STRADA: variants seen among roughly 807,000 people sequenced by gnomAD.
STRADA encodes the protein STE20 related adaptor alpha.
A neutral mutation model predicts 55.0 loss-of-function variants in STRADA; 26 were observed. The observed-to-expected ratio is 0.47, with a 90% confidence interval of 0.35 to 0.66. The LOEUF is 0.66. STRADA is among the 30% of genes least tolerant of loss of function. The probability of loss-of-function intolerance (pLI) is 0.01; values close to 1 mark genes in which losing one functional copy is unlikely to be tolerated. For missense variants in STRADA, 443 were observed against 549.7 expected (o/e 0.81, Z 1.94); for synonymous variants, 197 against 210.9 (o/e 0.93, Z 0.57).
chr17:63,704,618 GGT>G (rs1491332366), intron 10 of STRADA, 36 bp from the exon 11 acceptor site: 18 of 1,294,122 alleles, frequency 1.4e-5, no homozygotes, highest in South Asian at 4.2e-5. Flanking sequence ...GGCTGTAGCG[GGT>G]GGGGGGGGGG....
chr17:63,710,137 C>T (rs1225658947), intron 8 of STRADA, among the ~76,000 whole-genome samples: 3 of 150,640 alleles, frequency 2.0e-5, no homozygotes, highest in Non-Finnish European at 2.9e-5. Context: ...CAGGTTCAAG[C>T]GATTCTCCTG....
rs1057153018 is a variant in STRADA at position 63,707,612 on chromosome 17, T to C, written c.582-194A>G. On this transcript the variant is annotated intron_variant, in intron 8 of 12. Transcript: ENST00000336174. ...GTCTCACTCTGTCACCCGGCTAGAG[T>C]GCAGTGGCTCAATCTAGGCTCACTG... The C allele has an allele frequency of 3.0e-5, 17 of 576,034 alleles. No individual in the cohort carries two copies. The African/African-American group carries it at 3.2e-4, about 11-fold the overall frequency. 35.7% of individuals were successfully genotyped at this position (576,034 alleles called of 1,614,324 possible).
At position 63,710,843 on chromosome 17, in the gene STRADA, GC is replaced by G; in HGVS notation, c.349-8del. The G allele has an allele frequency of 6.2e-7, 1 of 1,613,790 alleles. No homozygotes were observed. Among genetic ancestry groups the G allele is most frequent in the Non-Finnish European group, 8.5e-7 (1 of 1,179,744 alleles). On this transcript the variant is annotated splice_polypyrimidine_tract_variant and splice_region_variant and intron_variant, in intron 6 of 12. Coordinates refer to ENST00000336174, the MANE Select transcript of STRADA (RefSeq NM_001003787.4). ...TGGAGACATGCAGCTCGCCCTGGAA[GC>G]AATGATGAAGCTGAAGTCAGAACCA... is the stretch of plus-strand genomic sequence containing the variant.
At chr17:63,724,120 C>T (rs1480402650) in intron 3 of STRADA, 1 of 151,936 alleles carries the variant, frequency 6.6e-6, no homozygotes, top group Non-Finnish European at 1.5e-5. Flanking sequence ...AAGGAAAATG[C>T]TTTCTTCTTT....
In STRADA at chr17:63,713,883, T is replaced by C; in HGVS notation, c.226+123A>G. 4 of 802,248 alleles carry C rather than the reference T, an allele frequency of 5.0e-6. No homozygotes were observed. The South Asian group carries it at 6.2e-5, about 12-fold the overall frequency. 49.7% of individuals were successfully genotyped at this position (802,248 alleles called of 1,614,324 possible). On this transcript the variant is annotated intron_variant, in intron 5 of 12. Coordinates refer to ENST00000336174, the MANE Select transcript of STRADA (RefSeq NM_001003787.4). ...CAGAGAAGACCCACAGAAGCAAGTC[T>C]GTGCCCATGAATCCTCCTAACTAGT...
chr17:63,721,137 G>A (rs969481998), intron 4 of STRADA, among the ~76,000 whole-genome samples: 3 of 152,002 alleles, frequency 2.0e-5, no homozygotes, highest in African/African-American at 4.8e-5. Context: ...ACTTTGGAAG[G>A]CCGAGGCAGG....
intron 8 of STRADA, among the ~76,000 whole-genome samples, chr17:63,708,073 G>C (rs1364974635): frequency 1.3e-5 from 2 of 152,032 alleles, no homozygotes; most frequent in East Asian, 1.9e-4. Context: ...TAGAGATGGG[G>C]TTTTGCCATG....
chr17:63,730,641 C>T (rs2037974217), intron 1 of STRADA, among the ~76,000 whole-genome samples: 1 of 152,066 alleles, frequency 6.6e-6, no homozygotes, highest in African/African-American at 2.4e-5. Context: ...ACTGCAACCT[C>T]TGCCTCCCAG....
chr17:63,720,469 G>T (rs915050597), intron 4 of STRADA, among the ~76,000 whole-genome samples: 3 of 151,866 alleles, frequency 2.0e-5, no homozygotes, highest in Non-Finnish European at 2.9e-5. Context: ...ACCACACCTG[G>T]CCTTTAGAAA....
rs763523792 is a variant in STRADA, at chr17:63,740,143, T to TACACACAC, written c.-45+1597_-45+1598insGTGTGTGT. 9.4e-4 allele frequency among the ~76,000 whole-genome samples: 44 copies of TACACACAC among 46,594 alleles called. 1 individual carries two copies. Among genetic ancestry groups the TACACACAC allele is most frequent in the African/African-American group, 3.4e-3 (37 of 10,830 alleles). The allele number at this position is 46,594 out of a possible 152,430, so 30.6% of individuals were successfully genotyped here. ...ATATATATATACACATACATATATA[T>TACACACAC]ATATACACACACACACACACACACA... On this transcript the variant is annotated intron_variant, in intron 1 of 12. Coordinates refer to ENST00000336174, the MANE Select transcript of STRADA (RefSeq NM_001003787.4).
Position 63,723,409 on chromosome 17 carries a change from G to C in STRADA, c.95-83C>G. The C allele has an allele frequency of 2.0e-6, 3 of 1,533,004 alleles. No individual in the cohort carries two copies. The Admixed American group carries it at 5.1e-5, about 26-fold the overall frequency. 95.0% of individuals were successfully genotyped at this position (1,533,004 alleles called of 1,614,324 possible). ...TTCAGAACAGCAATTATTGTACTTA[G>C]GACTACATTTATTAATAGAAACCAC... On this transcript the variant is annotated intron_variant, in intron 3 of 12. Coordinates refer to ENST00000336174, the MANE Select transcript of STRADA (RefSeq NM_001003787.4).
chr17:63,714,130 A>G, intron 4 of STRADA, 22 bp from the exon 5 acceptor site: 1 of 1,535,464 alleles, frequency 6.5e-7, no homozygotes, highest in Non-Finnish European at 8.9e-7. Context: ...AAAGAAAAAT[A>G]GGTTAGTAGA....
intron 1 of STRADA, among the ~76,000 whole-genome samples, chr17:63,740,246 C>T (rs976213502): frequency 6.6e-6 from 1 of 150,920 alleles, no homozygotes; most frequent in Admixed American, 6.6e-5. Context: ...CGCGGTGGCT[C>T]ACGCCTGTAA....
intron 8 of STRADA, 71 bp from the exon 9 acceptor site, chr17:63,707,489 A>C: frequency 6.7e-7 from 1 of 1,484,964 alleles, no homozygotes; most frequent in South Asian, 1.2e-5. Flanking sequence ...GTCTTCACAC[A>C]CTCCACCTGG....
chr17:63,707,177 G>C (rs2143781829), intron 9 of STRADA, 70 bp downstream of exon 9: 7 of 1,588,010 alleles, frequency 4.4e-6, no homozygotes, highest in Non-Finnish European at 6.0e-6. Flanking sequence ...CCCGACTCCA[G>C]GCAATGCCTG....
intron 1 of STRADA, among the ~76,000 whole-genome samples, chr17:63,736,710 A>C (rs2144311303): frequency 1.3e-5 from 2 of 152,018 alleles, no homozygotes; most frequent in South Asian, 4.1e-4. Context: ...TCAAGAAAGG[A>C]ATCAGTCAAA....
chr17:63,703,959 T>TAGAACCAGAATTAGAACC (rs754754271), intron 12 of STRADA, 46 bp downstream of exon 12: 12 of 1,575,654 alleles, frequency 7.6e-6, no homozygotes, highest in Non-Finnish European at 1.0e-5. Context: ...TGTGAGTTGT[T>TAGAACCAGAATTAGAACC]AGAACCAGAA....
At chr17:63,727,554 G>A (rs1225597256) in intron 2 of STRADA, 1 of 152,152 alleles carries the variant, frequency 6.6e-6, no homozygotes, top group African/African-American at 2.4e-5. Flanking sequence ...GAAATAAGTT[G>A]CATGATACAG....
chr17:63,730,114 G>A (rs917838591), intron 1 of STRADA, among the ~76,000 whole-genome samples: 4 of 152,114 alleles, frequency 2.6e-5, no homozygotes, highest in Non-Finnish European at 4.4e-5. Context: ...GGGATTATAG[G>A]CATGAGCCAC....
Sources: gnomAD v4.1 joint callset for allele counts (sites outside exome capture counted in the v4.1 genomes callset) on GRCh38, gnomAD v4.1.1 for gene constraint, MANE v1.5 for transcripts, NCBI Gene and HGNC (gene_info 2026-07-23, HGNC 2026-07-21) for gene names.